Variants in RGS6 observed in about 807,000 individuals in gnomAD.
The protein encoded by RGS6 is regulator of G protein signaling 6.
Under a neutral mutation model 78.5 loss-of-function variants are expected in RGS6, and 30 were observed. The ratio of observed to expected loss-of-function variants is 0.38; its 90% CI spans 0.29 to 0.52. The LOEUF (loss-of-function observed/expected upper bound fraction) is 0.52. Ranked by LOEUF, RGS6 falls within the 20% of genes least tolerant of loss-of-function variation. The pLI, the probability that RGS6 is intolerant of heterozygous loss-of-function variation, is 0.85. For missense variants in RGS6, 495 were observed against 609.7 expected (o/e 0.81, Z 1.98); for synonymous variants, 206 against 206.0 (o/e 1.00, Z 0.00).
At chr14:72,138,393 A>C (rs2096482374) in intron 2 of RGS6, among the ~76,000 whole-genome samples, 1 of 143,802 alleles carries the variant, frequency 7.0e-6, no homozygotes. Context: ...TGGTAGAATT[A>C]TATTTGCATC....
the RGS6 span, among the ~76,000 whole-genome samples, chr14:72,576,315 A>G: frequency 6.6e-6 from 1 of 152,200 alleles, no homozygotes; most frequent in Non-Finnish European, 1.5e-5. Flanking sequence ...ACAAAACAAG[A>G]TTGTATTTTT....
chr14:72,381,789 T>A (rs1293043271), intron 3 of RGS6, among the ~76,000 whole-genome samples: 1 of 152,034 alleles, frequency 6.6e-6, no homozygotes, highest in African/African-American at 2.4e-5. Flanking sequence ...TCATGGACTG[T>A]ATAAAGAAAA....
chr14:72,552,314 T>C (rs2097519513), intron 17 of RGS6, among the ~76,000 whole-genome samples: 1 of 152,194 alleles, frequency 6.6e-6, no homozygotes, highest in African/African-American at 2.4e-5. Context: ...TTCTGTTCTA[T>C]GGTCGATTTC....
At chr14:72,249,026 A>G (rs1035387233) in intron 2 of RGS6, among the ~76,000 whole-genome samples, 5 of 152,106 alleles carry the variant, frequency 3.3e-5, no homozygotes, top group Non-Finnish European at 5.9e-5. Flanking sequence ...CTTCTCCTTC[A>G]CTCTTCAAGA....
intron 2 of RGS6, among the ~76,000 whole-genome samples, chr14:72,211,213 TG>T (rs770950451): frequency 1.7e-4 from 26 of 152,186 alleles, no homozygotes; most frequent in Non-Finnish European, 3.2e-4. Context: ...GAGGAAAATC[TG>T]GATACAGAGG....
intron 17 of RGS6, chr14:72,550,389 A>G: frequency 7.6e-7 from 1 of 1,321,848 alleles, no homozygotes; most frequent in Middle Eastern, 1.8e-4. Context: ...ACCATTCCAC[A>G]CCATGCCCCT....
rs1003342892 is a variant in RGS6, at chr14:72,022,700, G to T, written c.84+57825G>T. 5.8e-5 allele frequency among the ~76,000 whole-genome samples: 2 copies of T among 34,382 alleles called. 1 individual carries two copies. Among genetic ancestry groups the T allele is most frequent in the Middle Eastern group, 0.028 (2 of 72 alleles). 22.6% of individuals were successfully genotyped at this position (34,382 alleles called of 152,430 possible). On this transcript the variant is annotated intron_variant, in intron 2 of 17. Transcript: ENST00000553525. ...TGGAGCACCATGGAGACCCTGGTTCGCTCTTTCACTCTTTGGCTGGCTCAG... is the reference window on the plus strand; with the variant it reads ...TGGAGCACCATGGAGACCCTGGTTCTCTCTTTCACTCTTTGGCTGGCTCAG...
chr14:71,970,760 G>A (rs1434133904), intron 2 of RGS6, among the ~76,000 whole-genome samples: 1 of 152,186 alleles, frequency 6.6e-6, no homozygotes, highest in African/African-American at 2.4e-5. Flanking sequence ...TGAGCCCACA[G>A]GCCAGCTGGG....
the RGS6 span, among the ~76,000 whole-genome samples, chr14:72,602,090 C>T: frequency 6.6e-6 from 1 of 152,334 alleles, no homozygotes; most frequent in Non-Finnish European, 1.5e-5. Flanking sequence ...GTTGAATCTT[C>T]CCACAAAGGC....
intron 2 of RGS6, among the ~76,000 whole-genome samples, chr14:72,171,988 G>A (rs1337727338): frequency 2.6e-5 from 4 of 152,136 alleles, no homozygotes; most frequent in South Asian, 2.1e-4. Context: ...CTGCAGGGTC[G>A]ATGAGCTTGC....
chr14:72,059,617 T>C lies in RGS6; in HGVS notation c.84+94742T>C, dbSNP rs551606469. ...GTGTTACCTCTTGTTATGGATGGAA[T>C]GCCTGTGAGCCCTAGGTTCCTATGT... On this transcript the variant is annotated intron_variant, in intron 2 of 17. Transcript: ENST00000553525. 9.8e-5 allele frequency among the ~76,000 whole-genome samples: 15 copies of C among 152,308 alleles called. No homozygotes were observed. In the East Asian group the frequency reaches 2.1e-3, roughly 22 times the overall value.
intron 2 of RGS6, among the ~76,000 whole-genome samples, chr14:72,065,777 A>AT (rs1371186933): frequency 2.6e-5 from 4 of 151,268 alleles, no homozygotes; most frequent in South Asian, 2.1e-4. Context: ...ATTTTATTTT[A>AT]TTTTTTTATT....
intron 2 of RGS6, among the ~76,000 whole-genome samples, chr14:72,057,305 C>G (rs1488491124): frequency 5.0e-5 from 5 of 99,082 alleles, no homozygotes; most frequent in Admixed American, 1.4e-4. Context: ...CAGAGTGAGA[C>G]TCTATCTGAA....
chr14:72,346,774 T>TC (rs1396356579), intron 2 of RGS6, among the ~76,000 whole-genome samples: 17 of 152,222 alleles, frequency 1.1e-4, no homozygotes, highest in Admixed American at 1.1e-3. Context: ...TCCTGGGTTC[T>TC]CCCCCATGTT....
intron 3 of RGS6, among the ~76,000 whole-genome samples, chr14:72,415,308 C>T (rs1009126019): frequency 8.7e-5 from 13 of 149,306 alleles, no homozygotes; most frequent in African/African-American, 3.1e-4. Context: ...TAGCAATGAG[C>T]GAAGCTCCGT....
chr14:72,587,106 T>C, the RGS6 span, among the ~76,000 whole-genome samples: 1 of 152,108 alleles, frequency 6.6e-6, no homozygotes, highest in South Asian at 2.1e-4. Context: ...ATACTTTGGG[T>C]CAGCCACGTC....
intron 17 of RGS6, among the ~76,000 whole-genome samples, chr14:72,546,035 G>T (rs575585220): frequency 1.8e-4 from 27 of 152,306 alleles, no homozygotes; most frequent in Non-Finnish European, 3.5e-4. Context: ...AATGAAATGT[G>T]AGCACTTGGG....
the RGS6 span, among the ~76,000 whole-genome samples, chr14:71,872,288 G>A: frequency 3.3e-5 from 5 of 152,198 alleles, no homozygotes; most frequent in African/African-American, 9.6e-5. Context: ...TTCTGCTGCT[G>A]ACACTCCTAC....
chr14:72,358,289 G>A (rs530335385), intron 3 of RGS6, among the ~76,000 whole-genome samples: 2 of 152,326 alleles, frequency 1.3e-5, no homozygotes, highest in African/African-American at 2.4e-5. Context: ...CCCCACTGGG[G>A]CACTGCCTAG....
Sources: gnomAD v4.1 joint callset for allele counts (sites outside exome capture counted in the v4.1 genomes callset) on GRCh38, gnomAD v4.1.1 for gene constraint, MANE v1.5 for transcripts, NCBI Gene and HGNC (gene_info 2026-07-23, HGNC 2026-07-21) for gene names.